Variants in GNA15 observed in about 807,000 individuals in gnomAD.
The protein encoded by GNA15 is guanine nucleotide-binding protein subunit alpha-15.
A neutral mutation model predicts 40.1 loss-of-function variants in GNA15; 23 were observed. The observed-to-expected ratio is 0.57, with a 90% CI of 0.41 to 0.81. The LOEUF is 0.81. GNA15 is among the 40% of genes least tolerant of loss of function. The probability of loss-of-function intolerance (pLI) is 0.00; values close to 1 mark genes in which losing one functional copy is unlikely to be tolerated. For missense variants in GNA15, 522 were observed against 515.8 expected (o/e 1.01, Z -0.12); for synonymous variants, 226 against 210.4 (o/e 1.07, Z -0.64).
intron 1 of GNA15, among the ~76,000 whole-genome samples, chr19:3,142,672 G>C (rs759853291): frequency 6.6e-5 from 10 of 152,082 alleles, no homozygotes; most frequent in Non-Finnish European, 1.2e-4. Flanking sequence ...AGGAGTTCAA[G>C]ACCAGTCTGG....
intron 1 of GNA15, 107 bp from the exon 2 acceptor site, chr19:3,148,484 G>C: frequency 8.8e-7 from 1 of 1,139,760 alleles, no homozygotes; most frequent in Non-Finnish European, 1.2e-6. Flanking sequence ...ACCGGGGTTT[G>C]AACCCAGGAG....
rs2144867539 is a variant in GNA15 at position 3,163,430 on chromosome 19, C to A, written c.*411C>A. The A allele has an allele frequency of 4.3e-6, 1 of 233,440 alleles. No homozygotes were observed. The highest frequency in any genetic ancestry group is 1.6e-3 in the Middle Eastern group (1 of 608). 14.5% of individuals were successfully genotyped at this position (233,440 alleles called of 1,614,324 possible). ...CCTGGGATGGGGCTAGTAGAGCCTT[C>A]AGGCGCCTTCGGGCGTGGACTCTGG... On this transcript the variant is annotated 3_prime_UTR_variant, in exon 7 of 7. Transcript: ENST00000262958.
At chr19:3,159,350 T>TC (rs1297387623) in intron 6 of GNA15, among the ~76,000 whole-genome samples, 5 of 146,420 alleles carry the variant, frequency 3.4e-5, no homozygotes, top group African/African-American at 1.3e-4. Context: ...TCTTTTCTTT[T>TC]TTTTTTTTTT....
chr19:3,146,514 C>T (rs992740923), intron 1 of GNA15: 3 of 152,102 alleles, frequency 2.0e-5, no homozygotes, highest in Non-Finnish European at 4.4e-5. Flanking sequence ...CCTGAAGTTT[C>T]AGCTTGCACC....
chr19:3,151,572 G>A lies in GNA15; in HGVS notation c.486-135G>A, dbSNP rs1437946318. 2.0e-5 allele frequency: 21 copies of A among 1,033,612 alleles called. No homozygotes were observed. The highest frequency in any genetic ancestry group is 2.6e-5 in the Non-Finnish European group (19 of 733,886). The allele number at this position is 1,033,612 out of a possible 1,614,324, so 64.0% of individuals were successfully genotyped here. A position where few individuals can be genotyped will look rare whatever the true frequency, so the allele number is the denominator to read the frequency against. The stretch of plus-strand genomic sequence containing the variant: ...GGTGGGGGACGCTCCTGGGCCATCT[G>A]CCAACTCCAGGGACCCCACCTCCAC... On this transcript the variant is annotated intron_variant, in intron 3 of 6. Coordinates refer to ENST00000262958, the MANE Select transcript of GNA15 (RefSeq NM_002068.4). This position sits in a 1 kb window ranked among gnomAD's most constrained non-coding sequence, Gnocchi z 5.0.
intron 1 of GNA15, among the ~76,000 whole-genome samples, chr19:3,140,516 C>T (rs544702617): frequency 4.6e-5 from 7 of 152,288 alleles, no homozygotes; most frequent in Admixed American, 3.9e-4. Flanking sequence ...GAAGTCTTCC[C>T]TGACTACCCT....
intron 1 of GNA15, among the ~76,000 whole-genome samples, chr19:3,139,681 T>C (rs1239783115): frequency 6.6e-6 from 1 of 150,670 alleles, no homozygotes; most frequent in Non-Finnish European, 1.5e-5. Flanking sequence ...GGGCAGATCA[T>C]GAGGTCAGGA....
At chr19:3,139,190 A>AAC (rs1194617514) in intron 1 of GNA15, among the ~76,000 whole-genome samples, 1 of 146,116 alleles carries the variant, frequency 6.8e-6, no homozygotes, top group Non-Finnish European at 1.5e-5. Context: ...AGGTGATCCT[A>AAC]CCACCTTGGC....
At chr19:3,158,117 A>AGACGTAGCATAT (rs1171372836) in intron 6 of GNA15, among the ~76,000 whole-genome samples, 2 of 152,272 alleles carry the variant, frequency 1.3e-5, no homozygotes, top group East Asian at 3.9e-4. Flanking sequence ...AATTCTAAAA[A>AGACGTAGCATAT]CACGTAGCAT....
chr19:3,137,800 C>G (rs1444046365), intron 1 of GNA15, among the ~76,000 whole-genome samples: 1 of 149,494 alleles, frequency 6.7e-6, no homozygotes, highest in Non-Finnish European at 1.5e-5. Context: ...AACAAACAAA[C>G]AAAACCAAAA....
At chr19:3,141,268 C>A (rs1166515809) in intron 1 of GNA15, among the ~76,000 whole-genome samples, 1 of 151,468 alleles carries the variant, frequency 6.6e-6, no homozygotes, top group Non-Finnish European at 1.5e-5. Context: ...CCAGCCTGGA[C>A]AACATTGCGA....
At position 3,136,415 on chromosome 19, in the gene GNA15, G is replaced by T; in HGVS notation, c.-36G>T. ...TGCCCTGGCCAGCAGGGGCCCGGGGGCGATGCCACCCGGTGCCGACTGAGG... is the reference window on the plus strand; with the variant it reads ...TGCCCTGGCCAGCAGGGGCCCGGGGTCGATGCCACCCGGTGCCGACTGAGG... On this transcript the variant is annotated 5_prime_UTR_variant, in exon 1 of 7. Transcript: ENST00000262958. This position sits in a 1 kb window ranked among gnomAD's most constrained non-coding sequence, Gnocchi z 4.9. 1 of 1,542,502 alleles carries T rather than the reference G, an allele frequency of 6.5e-7. No homozygotes were observed. The highest frequency in any genetic ancestry group is 1.4e-5 in the African/African-American group (1 of 72,856).
chr19:3,147,415 T>G (rs1426547283), intron 1 of GNA15, among the ~76,000 whole-genome samples: 1 of 151,676 alleles, frequency 6.6e-6, no homozygotes, highest in East Asian at 1.9e-4. Flanking sequence ...TAACTAGGCG[T>G]GGTGGCACGC....
intron 4 of GNA15, among the ~76,000 whole-genome samples, chr19:3,154,652 G>A (rs1360785365): frequency 6.6e-6 from 1 of 151,184 alleles, no homozygotes; most frequent in Non-Finnish European, 1.5e-5. Flanking sequence ...GGATGGGTGG[G>A]TGGATGGATG....
At position 3,163,113 on chromosome 19, in the gene GNA15, C is replaced by T; in HGVS notation, c.*94C>T. 1 of 785,092 alleles carries T rather than the reference C, an allele frequency of 1.3e-6. No individual in the cohort carries two copies. The allele number at this position is 785,092 out of a possible 1,614,324, so 48.6% of individuals were successfully genotyped here. ...TAGTGTCCCTGGTCTATCTCTCCAGCCTCGGCCCACACGCAAGGGAGTCGG... is the reference window on the plus strand; with the variant it reads ...TAGTGTCCCTGGTCTATCTCTCCAGTCTCGGCCCACACGCAAGGGAGTCGG... On this transcript the variant is annotated 3_prime_UTR_variant, in exon 7 of 7. Coordinates refer to ENST00000262958, the MANE Select transcript of GNA15 (RefSeq NM_002068.4).
At position 3,163,039 on chromosome 19, in the gene GNA15, A is replaced by C; in HGVS notation, c.*20A>C. The stretch of plus-strand genomic sequence containing the variant: ...CTGTGACCCAGGCCCCACCTGGGGC[A>C]GGCGGCACCGGCGGGCGGGTGGGAG... On this transcript the variant is annotated 3_prime_UTR_variant, in exon 7 of 7. Coordinates refer to ENST00000262958, the MANE Select transcript of GNA15 (RefSeq NM_002068.4). 3.2e-6 allele frequency: 5 copies of C among 1,558,936 alleles called. No individual in the cohort carries two copies. The highest frequency in any genetic ancestry group is 4.4e-6 in the Non-Finnish European group (5 of 1,130,696).
chr19:3,145,359 A>ATTTT (rs71179976), intron 1 of GNA15, among the ~76,000 whole-genome samples: 1,734 of 46,984 alleles, frequency 0.037, 90 homozygotes, highest in Non-Finnish European at 0.047. Flanking sequence ...ATATATATAT[A>ATTTT]TTTTTTTTTT....
intron 6 of GNA15, among the ~76,000 whole-genome samples, chr19:3,159,919 A>G (rs1163550568): frequency 6.6e-6 from 1 of 152,210 alleles, no homozygotes; most frequent in Non-Finnish European, 1.5e-5. Context: ...AAGGGGAGGC[A>G]GAGTTGTGGT....
At chr19:3,152,548 T>C (rs1168475479) in intron 4 of GNA15, among the ~76,000 whole-genome samples, 1 of 152,062 alleles carries the variant, frequency 6.6e-6, no homozygotes, top group Non-Finnish European at 1.5e-5. Flanking sequence ...GAGGTGGGAA[T>C]GGCCAGTGCA....
Sources: gnomAD v4.1 joint callset for allele counts (sites outside exome capture counted in the v4.1 genomes callset) on GRCh38, gnomAD v4.1.1 for gene constraint, Gnocchi (gnomAD v3.1) non-coding constraint, MANE v1.5 for transcripts, NCBI Gene and HGNC (gene_info 2026-07-23, HGNC 2026-07-21) for gene names.